The following USP30 variants were observed in gnomAD, a reference collection of about 807,000 sequenced individuals.
USP30 encodes ubiquitin specific peptidase 30, also known as ubiquitin carboxyl-terminal hydrolase 30.
In USP30, 41 loss-of-function variants were observed where a neutral mutation model predicts 68.2. The ratio of observed to expected loss-of-function variants is 0.60; its 90% confidence interval spans 0.47 to 0.78. The LOEUF (loss-of-function observed/expected upper bound fraction) is 0.78. Among genes scored for constraint, USP30 ranks in the 30% least tolerant of loss-of-function variants. The probability of loss-of-function intolerance (pLI) is 0.00; values close to 1 mark genes in which losing one functional copy is unlikely to be tolerated. For missense variants in USP30, 522 were observed against 649.4 expected, an observed-to-expected ratio of 0.80 and a Z score of 2.13; for synonymous variants, 229 against 253.7, an observed-to-expected ratio of 0.90 and a Z score of 0.93.
chr12:109,046,321 G>T (rs10850337), intron 3 of USP30, among the ~76,000 whole-genome samples: 66,990 of 150,798 alleles, frequency 0.44, 16,558 homozygotes, highest in East Asian at 0.68. Flanking sequence ...CACCATGTTG[G>T]CCAGGATGGT....
At chr12:109,068,997 G>T (rs535025963) in intron 4 of USP30, among the ~76,000 whole-genome samples, 179 of 152,336 alleles carry the variant, frequency 1.2e-3, no homozygotes, top group Non-Finnish European at 2.3e-3. Context: ...GGCTTGCTTT[G>T]TGCAAATTAC....
Position 109,085,647 on chromosome 12 carries a change from CAT to C in USP30, c.1290-19_1290-18del, listed in dbSNP as rs768987249. On this transcript the variant is annotated intron_variant, in intron 12 of 12. Coordinates refer to ENST00000257548, the MANE Select transcript of USP30 (RefSeq NM_032663.5). Reference sequence around the variant, plus strand: ...TTTTGTTAAAATTGTAAACCCCTGACATGTGTTCGTATCATTCAGCTCCTCCA... The same window carrying C: ...TTTTGTTAAAATTGTAAACCCCTGACGTGTTCGTATCATTCAGCTCCTCCA... 1.4e-5 allele frequency: 22 copies of C among 1,611,284 alleles called. No individual in the cohort carries two copies. The highest frequency in any genetic ancestry group is 1.7e-5 in the Non-Finnish European group (20 of 1,177,860).
intron 3 of USP30, among the ~76,000 whole-genome samples, chr12:109,062,184 C>T (rs996910746): frequency 2.0e-5 from 3 of 152,180 alleles, no homozygotes; most frequent in African/African-American, 4.8e-5. Context: ...ATCCACCCGC[C>T]TCAGCCTCCC....
At chr12:109,023,569 T>C (rs1262718167) in intron 1 of USP30, among the ~76,000 whole-genome samples, 1 of 144,400 alleles carries the variant, frequency 6.9e-6, no homozygotes, top group East Asian at 2.1e-4. Context: ...AATAAATAAA[T>C]AAATAAATAG....
chr12:109,076,021 C>G (rs959211932), intron 7 of USP30, among the ~76,000 whole-genome samples: 2 of 151,870 alleles, frequency 1.3e-5, no homozygotes, highest in African/African-American at 2.4e-5. Flanking sequence ...TGTGTCATTG[C>G]GGTTCTGAGT....
chr12:109,064,598 G>A (rs1315386237), intron 3 of USP30, among the ~76,000 whole-genome samples: 2 of 152,146 alleles, frequency 1.3e-5, no homozygotes, highest in Non-Finnish European at 2.9e-5. Context: ...TTTTACAGCT[G>A]CATAGTTTCC....
chr12:109,054,408 C>T (rs2040775189), intron 1 of USP30, among the ~76,000 whole-genome samples: 1 of 151,888 alleles, frequency 6.6e-6, no homozygotes, highest in South Asian at 2.1e-4. Flanking sequence ...GTGGTCCCAG[C>T]TACTTGGGAG....
chr12:109,042,520 G>A (rs1225801321), intron 3 of USP30, among the ~76,000 whole-genome samples: 4 of 152,022 alleles, frequency 2.6e-5, no homozygotes, highest in Non-Finnish European at 5.9e-5. Flanking sequence ...CTAACAATAC[G>A]GAAAGAGCTG....
Position 109,067,471 on chromosome 12 carries a change from G to A in USP30, c.377-53G>A. The A allele has an allele frequency of 2.7e-6, 4 of 1,505,616 alleles. No homozygotes were observed. The South Asian group carries it at 3.4e-5, about 13-fold the overall frequency. The allele number at this position is 1,505,616 out of a possible 1,614,324, so 93.3% of individuals were successfully genotyped here. A position where few individuals can be genotyped will look rare whatever the true frequency, so the allele number is the denominator to read the frequency against. ...TATGTTATACTGTGCAAGTTTTCTG[G>A]TTAGTTGTTATGCTGATGAATTTAA... On this transcript the variant is annotated intron_variant, in intron 3 of 12. Coordinates refer to ENST00000257548, the MANE Select transcript of USP30 (RefSeq NM_032663.5).
intron 3 of USP30, among the ~76,000 whole-genome samples, chr12:109,036,202 T>C (rs1292213149): frequency 6.6e-6 from 1 of 152,214 alleles, no homozygotes; most frequent in Non-Finnish European, 1.5e-5. Flanking sequence ...TGTTTACCTA[T>C]GTAGCCAACT....
chr12:109,086,018 G>A lies in USP30; in HGVS notation c.*87G>A, dbSNP rs1481456070. 18 of 1,487,650 alleles carry A rather than the reference G, an allele frequency of 1.2e-5. No homozygotes were observed. The South Asian group carries it at 1.2e-4, about 10-fold the overall frequency. 92.2% of individuals were successfully genotyped at this position (1,487,650 alleles called of 1,614,324 possible). On this transcript the variant is annotated 3_prime_UTR_variant, in exon 13 of 13. Transcript: ENST00000257548. ...AACTGTACTGTTGCGTGTGCAAGCG[G>A]CCCCACTAGAGCCTTCCAGCCTTCT...
intron 3 of USP30, among the ~76,000 whole-genome samples, chr12:109,060,567 C>T (rs1250182001): frequency 2.6e-5 from 4 of 152,138 alleles, no homozygotes; most frequent in South Asian, 4.1e-4. Flanking sequence ...TCGCTGCCAG[C>T]GTTCATCTAA....
chr12:109,081,623 GCA>G (rs61164773), intron 8 of USP30: 73,692 of 489,924 alleles, frequency 0.15, 2,453 homozygotes, highest in Admixed American at 0.3. Context: ...ACGCATGCGC[GCA>G]CACACACACA....
chr12:109,034,047 T>C (rs1042255712), intron 3 of USP30, among the ~76,000 whole-genome samples: 9 of 152,252 alleles, frequency 5.9e-5, no homozygotes, highest in Non-Finnish European at 8.8e-5. Flanking sequence ...AAGAGGTAAT[T>C]CAGAAGCTGG....
intron 7 of USP30, among the ~76,000 whole-genome samples, chr12:109,074,923 A>G (rs974443285): frequency 6.6e-6 from 1 of 152,116 alleles, no homozygotes; most frequent in Admixed American, 6.5e-5. Context: ...TGCTTCTGTG[A>G]GTTTGACTTT....
intron 4 of USP30, among the ~76,000 whole-genome samples, chr12:109,068,439 T>C (rs2041328744): frequency 1.3e-5 from 2 of 152,188 alleles, no homozygotes; most frequent in Non-Finnish European, 2.9e-5. Context: ...ACCCCTTATT[T>C]TTAAAGGTGT....
At position 109,086,121 on chromosome 12, in the gene USP30, C is replaced by A; in HGVS notation, c.*190C>A. The A allele has an allele frequency of 1.4e-6, 1 of 736,846 alleles. No individual in the cohort carries two copies. The highest frequency in any genetic ancestry group is 2.2e-6 in the Non-Finnish European group (1 of 464,718). The allele number at this position is 736,846 out of a possible 1,614,324, so 45.6% of individuals were successfully genotyped here. A position where few individuals can be genotyped will look rare whatever the true frequency, so the allele number is the denominator to read the frequency against. ...ACCAGGCTCCCTGAACAGTCCTGTT[C>A]ATGTGTGTAGGTGGTTCTGTTGTGT... On this transcript the variant is annotated 3_prime_UTR_variant, in exon 13 of 13. Transcript: ENST00000257548.
Position 109,086,352 on chromosome 12 carries a change from A to C in USP30, c.*421A>C, listed in dbSNP as rs554908730. ...AAAAATTGTTGACAAGAATTAATGAAATTATTAAAGGCAACAATTTAGAAG... is the reference window on the plus strand; with the variant it reads ...AAAAATTGTTGACAAGAATTAATGACATTATTAAAGGCAACAATTTAGAAG... On this transcript the variant is annotated 3_prime_UTR_variant, in exon 13 of 13. Coordinates refer to ENST00000257548, the MANE Select transcript of USP30 (RefSeq NM_032663.5). 1.3e-4 allele frequency: 21 copies of C among 160,786 alleles called. No homozygotes were observed. In the South Asian group the frequency reaches 3.5e-3, roughly 27 times the overall value. The allele number at this position is 160,786 out of a possible 1,614,324, so 10.0% of individuals were successfully genotyped here. A position where few individuals can be genotyped will look rare whatever the true frequency, so the allele number is the denominator to read the frequency against.
At chr12:109,065,648 G>T (rs2041225345) in intron 3 of USP30, among the ~76,000 whole-genome samples, 1 of 152,162 alleles carries the variant, frequency 6.6e-6, no homozygotes, top group Admixed American at 6.5e-5. Flanking sequence ...ACTCTTAGGG[G>T]GTTGCCTACC....
Sources: gnomAD v4.1 joint callset for allele counts (sites outside exome capture counted in the v4.1 genomes callset) on GRCh38, gnomAD v4.1.1 for gene constraint, MANE v1.5 for transcripts, NCBI Gene and HGNC (gene_info 2026-07-23, HGNC 2026-07-21) for gene names.